The following FAM83G variants were observed in gnomAD, a reference collection of about 807,000 sequenced individuals.
FAM83G encodes protein FAM83G.
A neutral mutation model predicts 61.5 loss-of-function variants in FAM83G; 38 were observed. The ratio of observed to expected loss-of-function variants is 0.62; its 90% confidence interval spans 0.48 to 0.81. FAM83G has a LOEUF of 0.81. Ranked by LOEUF, FAM83G falls within the 30% of genes least tolerant of loss-of-function variation. The pLI, the probability that FAM83G is intolerant of heterozygous loss-of-function variation, is 0.00. For missense variants in FAM83G, 989 were observed against 1,133.6 expected (o/e 0.87, Z 1.83); for synonymous variants, 470 against 476.1 (o/e 0.99, Z 0.17).
At position 18,978,870 on chromosome 17, in the gene FAM83G, C is replaced by A. The variant is rs758249096; in HGVS notation, c.816-20G>T. 4.4e-6 allele frequency: 7 copies of A among 1,608,526 alleles called. No individual in the cohort carries two copies. In the East Asian group the frequency reaches 6.7e-5, roughly 15 times the overall value. ...GTGAAGCTGCAACAGAGGGAGGGGG[C>A]GCTGGTCAGGCACATGACCCTGCTT... is the stretch of plus-strand genomic sequence containing the variant. On this transcript the variant is annotated intron_variant, in intron 4 of 5. Coordinates refer to ENST00000388995, the MANE Select transcript of FAM83G (RefSeq NM_001039999.3).
In FAM83G at chr17:18,968,944, T is replaced by A; in HGVS notation, c.*2415A>T. On this transcript the variant is annotated 3_prime_UTR_variant, in exon 6 of 6. Transcript: ENST00000388995. The surrounding 1 kb of genome is among the most constrained non-coding windows in gnomAD (Gnocchi z 4.1). Reference sequence around the variant, plus strand: ...GGCGAGTGGGGGTCTCCCCTCCTTATCCACAGGCCACCGAGGCCCAGAGAG... The same window carrying A: ...GGCGAGTGGGGGTCTCCCCTCCTTAACCACAGGCCACCGAGGCCCAGAGAG... The A allele has an allele frequency of 1.0e-6, 1 of 959,378 alleles. No homozygotes were observed. The highest frequency in any genetic ancestry group is 1.5e-6 in the Non-Finnish European group (1 of 659,432). The allele number at this position is 959,378 out of a possible 1,614,324, so 59.4% of individuals were successfully genotyped here.
At position 19,003,045 on chromosome 17, in the gene FAM83G, T is replaced by C. The variant is rs1188252887; in HGVS notation, c.522+475A>G. Among the ~76,000 whole-genome samples, 1 of 152,066 alleles carries C rather than the reference T, an allele frequency of 6.6e-6. No homozygotes were observed. The highest frequency in any genetic ancestry group is 2.4e-5 in the African/African-American group (1 of 41,402). On this transcript the variant is annotated intron_variant, in intron 2 of 5. Coordinates refer to ENST00000388995, the MANE Select transcript of FAM83G (RefSeq NM_001039999.3). This position sits in a 1 kb window ranked among gnomAD's most constrained non-coding sequence, Gnocchi z 4.5. ...CAGCACAGCTAGGAAACAGGCAGTG[T>C]TGAACAAGGACCTCCAGGCCAGTCT...
At chr17:18,976,701 T>G in intron 5 of FAM83G, 2 of 969,454 alleles carry the variant, frequency 2.1e-6, no homozygotes, top group Non-Finnish European at 1.5e-6. Flanking sequence ...ACCCTGACAG[T>G]ATTGGGGCTT....
intron 2 of FAM83G, among the ~76,000 whole-genome samples, chr17:18,988,829 T>C (rs187950022): frequency 5.3e-4 from 80 of 152,354 alleles, no homozygotes; most frequent in African/African-American, 1.9e-3. Context: ...TCTCTTCCTG[T>C]CAGCTGACAA....
chr17:18,994,206 A>T (rs2043504779), intron 2 of FAM83G, among the ~76,000 whole-genome samples: 1 of 152,230 alleles, frequency 6.6e-6, no homozygotes, highest in Non-Finnish European at 1.5e-5. Flanking sequence ...CTTAGCAATA[A>T]AAAACCCGGA....
At chr17:18,982,473 G>C (rs2043163092) in intron 3 of FAM83G, among the ~76,000 whole-genome samples, 1 of 152,252 alleles carries the variant, frequency 6.6e-6, no homozygotes, top group Non-Finnish European at 1.5e-5. Flanking sequence ...ACAGCAGATG[G>C]GTGGAGGGAT....
At chr17:18,973,475 C>T (rs1360706953) in intron 5 of FAM83G, among the ~76,000 whole-genome samples, 1 of 152,238 alleles carries the variant, frequency 6.6e-6, no homozygotes, top group Non-Finnish European at 1.5e-5. Context: ...ATCCTCTACC[C>T]CTTGGGCTGG....
chr17:18,978,974 G>A, intron 4 of FAM83G, 124 bp from the exon 5 acceptor site: 1 of 1,102,954 alleles, frequency 9.1e-7, no homozygotes, highest in South Asian at 1.5e-5. Flanking sequence ...AGAAGTGAAT[G>A]GGGGCAGAGA....
chr17:18,976,830 C>G (rs772217660), intron 5 of FAM83G: 5 of 1,611,650 alleles, frequency 3.1e-6, no homozygotes, highest in Non-Finnish European at 3.4e-6. Context: ...CTTGGACTCA[C>G]CCCGTCTCGC....
intron 3 of FAM83G, among the ~76,000 whole-genome samples, chr17:18,979,985 CAG>C (rs2043088379): frequency 6.6e-6 from 1 of 152,148 alleles, no homozygotes; most frequent in South Asian, 2.1e-4. Context: ...CTTACACAGC[CAG>C]CCAGCTTGGG....
chr17:18,978,822 G>C lies in FAM83G; in HGVS notation c.844C>G (p.Arg282Gly). The change falls in exon 5 of 6, where the codon CGG becomes GGG. Residue 282 changes from arginine (R) to glycine (G), a missense_variant. By Grantham distance (125) the Arg-to-Gly change is moderately radical. Transcript: ENST00000388995. ...SFTWSAARTD[R>G]NVISVLSGQV... is the part of the protein sequence containing the mutation. ...CCAGACAGCACAGAGATCACATTCC[G>C]GTCCGTCCGCGCGGCCGACCACGTG... is the stretch of plus-strand genomic sequence containing the variant. 1 of 1,612,726 alleles carries C rather than the reference G, an allele frequency of 6.2e-7. No homozygotes were observed. The highest frequency in any genetic ancestry group is 8.5e-7 in the Non-Finnish European group (1 of 1,179,850).
At chr17:18,990,044 C>T (rs1244198620) in intron 2 of FAM83G, among the ~76,000 whole-genome samples, 4 of 152,198 alleles carry the variant, frequency 2.6e-5, no homozygotes, top group African/African-American at 9.6e-5. Flanking sequence ...TGACTGCTCC[C>T]TATCTCTCTG....
At chr17:19,002,386 C>G (rs963074273) in intron 2 of FAM83G, among the ~76,000 whole-genome samples, 1 of 152,236 alleles carries the variant, frequency 6.6e-6, no homozygotes, top group African/African-American at 2.4e-5. Flanking sequence ...CCAGGGGCCA[C>G]CTCACCAGTT....
At chr17:18,982,265 A>C (rs1441556061) in intron 3 of FAM83G, among the ~76,000 whole-genome samples, 1 of 152,080 alleles carries the variant, frequency 6.6e-6, no homozygotes, top group East Asian at 1.9e-4. Flanking sequence ...GGGGCTCAGC[A>C]GCAGGTGGGG....
At chr17:18,987,333 G>A (rs1219000072) in intron 3 of FAM83G, among the ~76,000 whole-genome samples, 3 of 152,356 alleles carry the variant, frequency 2.0e-5, no homozygotes, top group African/African-American at 7.2e-5. Flanking sequence ...TATCCCACTA[G>A]GCTGTTGTGA....
At chr17:18,977,515 C>T (rs987981654) in intron 5 of FAM83G, 69 bp downstream of exon 5, 1 of 1,459,492 alleles carries the variant, frequency 6.9e-7, no homozygotes. Flanking sequence ...CAGAAGACAA[C>T]AGCTCGAGCT....
chr17:18,981,243 G>C (rs570871999), intron 3 of FAM83G, among the ~76,000 whole-genome samples: 99 of 152,270 alleles, frequency 6.5e-4, no homozygotes, highest in African/African-American at 2.3e-3. Flanking sequence ...TAGGTCACAG[G>C]GGGAGGTGGG....
At chr17:18,972,264 A>G (rs576526508) in intron 5 of FAM83G, among the ~76,000 whole-genome samples, 1 of 152,308 alleles carries the variant, frequency 6.6e-6, no homozygotes, top group African/African-American at 2.4e-5. Context: ...CAGTGGGCAC[A>G]GGCCCCACAA....
intron 2 of FAM83G, among the ~76,000 whole-genome samples, chr17:18,990,687 AT>A (rs1345448215): frequency 2.6e-5 from 4 of 152,178 alleles, no homozygotes; most frequent in Admixed American, 2.6e-4. Context: ...TCCAAAATGG[AT>A]CCCCCCACAG....
Sources: allele counts gnomAD v4.1 joint callset (sites outside exome capture counted in the v4.1 genomes callset), GRCh38; gene constraint gnomAD v4.1.1; non-coding constraint Gnocchi (gnomAD v3.1); transcripts MANE v1.5; gene names NCBI Gene and HGNC (gene_info 2026-07-23, HGNC 2026-07-21).